The following SEPTIN9 variants were observed in gnomAD, a reference collection of about 807,000 sequenced individuals.
SEPTIN9 encodes the protein septin 9.
In SEPTIN9, 13 loss-of-function variants were observed where a neutral mutation model predicts 56.6. The observed-to-expected ratio is 0.23, with a 90% CI of 0.15 to 0.37. The LOEUF is 0.37. SEPTIN9 is among the 10% of genes least tolerant of loss of function. The probability of loss-of-function intolerance (pLI) is 1.00; values close to 1 mark genes in which losing one functional copy is unlikely to be tolerated. For synonymous variants in SEPTIN9, 332 were observed against 334.1 expected, an observed-to-expected ratio of 0.99 and a Z score of 0.07; for missense variants, 650 against 823.1, an observed-to-expected ratio of 0.79 and a Z score of 2.57.
chr17:77,467,740 C>A (rs527631038), intron 3 of SEPTIN9, among the ~76,000 whole-genome samples: 1 of 152,354 alleles, frequency 6.6e-6, no homozygotes, highest in South Asian at 2.1e-4. Flanking sequence ...CTCTGGCCAG[C>A]GCGGCCGGCA....
chr17:77,439,242 A>C (rs549121314), intron 3 of SEPTIN9, among the ~76,000 whole-genome samples: 2 of 152,256 alleles, frequency 1.3e-5, no homozygotes, highest in African/African-American at 4.8e-5. Context: ...GACCCCGAGC[A>C]ACAGCAGCAT....
At chr17:77,348,127 C>A (rs1568006477) in intron 2 of SEPTIN9, among the ~76,000 whole-genome samples, 1 of 151,996 alleles carries the variant, frequency 6.6e-6, no homozygotes, top group African/African-American at 2.4e-5. Flanking sequence ...ATTCTGACAG[C>A]CTCCGCCTTT....
rs1490898450 is a variant in SEPTIN9 at position 77,313,197 on chromosome 17, G to A, written c.76+6000G>A. On this transcript the variant is annotated intron_variant, in intron 2 of 11. Coordinates refer to ENST00000427177, the MANE Select transcript of SEPTIN9 (RefSeq NM_001113491.2). The surrounding 1 kb of genome is among the most constrained non-coding windows in gnomAD (Gnocchi z 4.5). ...GCCTCTGCACCCCCAGACCTCCCTC[G>A]CTCTGCAGGGGCAGTCGGGGGCCCC... 6.6e-6 allele frequency among the ~76,000 whole-genome samples: 1 copy of A among 152,232 alleles called. No individual in the cohort carries two copies. Among genetic ancestry groups the A allele is most frequent in the Admixed American group, 6.5e-5 (1 of 15,278 alleles).
chr17:77,433,528 G>A lies in SEPTIN9; in HGVS notation c.721+30825G>A, dbSNP rs543955971. 6.5e-4 allele frequency among the ~76,000 whole-genome samples: 99 copies of A among 152,182 alleles called. No individual in the cohort carries two copies. Among genetic ancestry groups the A allele is most frequent in the African/African-American group, 2.2e-3 (93 of 41,518 alleles). ...CCAAAAGGGATGGCGCCCCAGCCACGTTCCCACCCACCCCGAGGCCCAGCA... is the reference window on the plus strand; with the variant it reads ...CCAAAAGGGATGGCGCCCCAGCCACATTCCCACCCACCCCGAGGCCCAGCA... On this transcript the variant is annotated intron_variant, in intron 3 of 11. Coordinates refer to ENST00000427177, the MANE Select transcript of SEPTIN9 (RefSeq NM_001113491.2). The surrounding 1 kb of genome is among the most constrained non-coding windows in gnomAD (Gnocchi z 6.4).
At chr17:77,399,831 G>A (rs951761655) in intron 2 of SEPTIN9, among the ~76,000 whole-genome samples, 62 of 152,220 alleles carry the variant, frequency 4.1e-4, no homozygotes, top group Middle Eastern at 6.8e-3. Flanking sequence ...ACACCATGTC[G>A]GGAGCCCACA....
intron 3 of SEPTIN9, among the ~76,000 whole-genome samples, chr17:77,418,449 TCTC>T (rs1182361803): frequency 1.3e-5 from 2 of 152,080 alleles, no homozygotes; most frequent in Non-Finnish European, 2.9e-5. Flanking sequence ...TTCAAGCAAT[TCTC>T]CTGCCTCAGC....
chr17:77,446,898 A>G (rs1202477579), intron 3 of SEPTIN9: 3 of 167,166 alleles, frequency 1.8e-5, no homozygotes, highest in Non-Finnish European at 4.4e-5. Context: ...GTTGCTTTAA[A>G]TGTATATTTT....
intron 3 of SEPTIN9, among the ~76,000 whole-genome samples, chr17:77,419,366 C>CGCT (rs2036614736): frequency 7.3e-6 from 1 of 137,294 alleles, no homozygotes; most frequent in East Asian, 2.0e-4. Flanking sequence ...CAGCAGCAGC[C>CGCT]GCCGCAGGGA....
At chr17:77,316,241 G>A (rs1448848268) in intron 2 of SEPTIN9, among the ~76,000 whole-genome samples, 1 of 152,212 alleles carries the variant, frequency 6.6e-6, no homozygotes, top group Non-Finnish European at 1.5e-5. Flanking sequence ...TGCGCGGTGA[G>A]AGGTTGGCCC....
In SEPTIN9 at chr17:77,439,476, C is replaced by T. The variant is rs962585688; in HGVS notation, c.721+36773C>T. ...CCCCGTGGCGTCCTGCAGGCATATC[C>T]GGCAGCCCAGGGGTCCTAGAGAACT... On this transcript the variant is annotated intron_variant, in intron 3 of 11. Coordinates refer to ENST00000427177, the MANE Select transcript of SEPTIN9 (RefSeq NM_001113491.2). Among the ~76,000 whole-genome samples the T allele has an allele frequency of 9.1e-4, 138 of 152,308 alleles. 1 individual carries two copies. The highest frequency in any genetic ancestry group is 2.8e-3 in the African/African-American group (116 of 41,574).
chr17:77,464,498 G>A (rs981052675), intron 3 of SEPTIN9, among the ~76,000 whole-genome samples: 8 of 152,170 alleles, frequency 5.3e-5, no homozygotes, highest in African/African-American at 1.7e-4. Context: ...AAGGTAAAAG[G>A]GTTAAATATT....
intron 2 of SEPTIN9, among the ~76,000 whole-genome samples, chr17:77,360,758 G>C (rs1054353600): frequency 2.0e-5 from 3 of 151,878 alleles, no homozygotes; most frequent in African/African-American, 7.3e-5. Context: ...TAGAGACGGG[G>C]TTTCACCGTG....
rs1389150942 is a variant in SEPTIN9, at chr17:77,389,736, C to G, written c.77-12323C>G. On this transcript the variant is annotated intron_variant, in intron 2 of 11. Transcript: ENST00000427177. The surrounding 1 kb of genome is among the most constrained non-coding windows in gnomAD (Gnocchi z 4.3). ...CCCACCCAGGCCCTGGCGGCCCCAC[C>G]CCAGCCAGGAAATTCTTCCTCTTTA... 6.6e-6 allele frequency among the ~76,000 whole-genome samples: 1 copy of G among 152,146 alleles called. No homozygotes were observed. The highest frequency in any genetic ancestry group is 1.5e-5 in the Non-Finnish European group (1 of 68,024).
rs2040319302 is a variant in SEPTIN9 at position 77,497,470 on chromosome 17, G to A, written c.1625+104G>A. 7.5e-6 allele frequency: 8 copies of A among 1,067,990 alleles called. No homozygotes were observed. The South Asian group carries it at 1.1e-4, about 14-fold the overall frequency. The allele number at this position is 1,067,990 out of a possible 1,614,324, so 66.2% of individuals were successfully genotyped here. A position where few individuals can be genotyped will look rare whatever the true frequency, so the allele number is the denominator to read the frequency against. ...GGGGCCGAAGCCCTGGGCAGAGTGG[G>A]TGCCCCCTGCCACCTGCCTGCCCTG... On this transcript the variant is annotated intron_variant, in intron 11 of 11. Coordinates refer to ENST00000427177, the MANE Select transcript of SEPTIN9 (RefSeq NM_001113491.2).
chr17:77,373,865 A>G (rs1333548680), intron 2 of SEPTIN9: 3 of 346,148 alleles, frequency 8.7e-6, no homozygotes, highest in African/African-American at 6.5e-5. Context: ...AGCGACAGCG[A>G]CCTCCTCGAG....
intron 4 of SEPTIN9, among the ~76,000 whole-genome samples, chr17:77,486,927 G>T: frequency 1.3e-5 from 2 of 152,314 alleles, no homozygotes; most frequent in Middle Eastern, 6.8e-3. Context: ...ACTGAGACAC[G>T]GTGAGGTCAG....
In SEPTIN9 at chr17:77,475,247, A is replaced by AT; in HGVS notation, c.722-6897_722-6896insT. On this transcript the variant is annotated intron_variant, in intron 3 of 11. Coordinates refer to ENST00000427177, the MANE Select transcript of SEPTIN9 (RefSeq NM_001113491.2). This position sits in a 1 kb window ranked among gnomAD's most constrained non-coding sequence, Gnocchi z 4.6. The stretch of plus-strand genomic sequence containing the variant: ...AAACCGCACACATCATTATTCAGTT[A>AT]CCATCGTGGGGAGACTGTCTGGACG... 7.4e-7 allele frequency: 1 copy of AT among 1,352,418 alleles called. No individual in the cohort carries two copies. 83.8% of individuals were successfully genotyped at this position (1,352,418 alleles called of 1,614,324 possible).
At chr17:77,315,875 C>T (rs2032685186) in intron 2 of SEPTIN9, among the ~76,000 whole-genome samples, 1 of 152,152 alleles carries the variant, frequency 6.6e-6, no homozygotes, top group Non-Finnish European at 1.5e-5. Flanking sequence ...TGAGAACTGT[C>T]TGGAAGGGGC....
intron 1 of SEPTIN9, chr17:77,287,817 T>C: frequency 2.1e-6 from 2 of 933,252 alleles, no homozygotes; most frequent in Non-Finnish European, 2.6e-6. Flanking sequence ...AGCATGACTG[T>C]TGGCAGCCTG....
Sources: gnomAD v4.1 joint callset for allele counts (sites outside exome capture counted in the v4.1 genomes callset) on GRCh38, gnomAD v4.1.1 for gene constraint, Gnocchi (gnomAD v3.1) non-coding constraint, MANE v1.5 for transcripts, NCBI Gene and HGNC (gene_info 2026-07-23, HGNC 2026-07-21) for gene names.